The following TMCC1 variants were observed in gnomAD, a reference collection of about 807,000 sequenced individuals.
TMCC1 encodes the protein transmembrane and coiled-coil domains protein 1.
A neutral mutation model predicts 52.4 loss-of-function variants in TMCC1; 15 were observed. The ratio of observed to expected loss-of-function variants is 0.29; its 90% CI spans 0.19 to 0.44. TMCC1 has a LOEUF of 0.44. TMCC1 is among the 20% of genes least tolerant of loss of function. The pLI is 1.00. For missense variants in TMCC1, 503 were observed against 806.0 expected, an observed-to-expected ratio of 0.62 and a Z score of 4.55; for synonymous variants, 279 against 301.9, an observed-to-expected ratio of 0.92 and a Z score of 0.79.
intron 4 of TMCC1, among the ~76,000 whole-genome samples, chr3:129,736,141 G>T (rs1162297108): frequency 6.6e-6 from 1 of 152,184 alleles, no homozygotes; most frequent in Non-Finnish European, 1.5e-5. Context: ...CCAAAAATCT[G>T]CTGGGTCACC....
At chr3:129,830,650 G>T (rs1325419956) in intron 3 of TMCC1, among the ~76,000 whole-genome samples, 1 of 152,080 alleles carries the variant, frequency 6.6e-6, no homozygotes, top group Non-Finnish European at 1.5e-5. Flanking sequence ...ACTGATTTTT[G>T]TTGTTGTTGT....
chr3:129,656,006 A>C (rs2108848817), intron 5 of TMCC1, among the ~76,000 whole-genome samples: 1 of 152,354 alleles, frequency 6.6e-6, no homozygotes, highest in East Asian at 1.9e-4. Context: ...TGTTGGAGGA[A>C]AAAATGGGAA....
chr3:129,723,080 A>G (rs564359623), intron 4 of TMCC1, among the ~76,000 whole-genome samples: 1 of 152,212 alleles, frequency 6.6e-6, no homozygotes, highest in African/African-American at 2.4e-5. Context: ...CATTTATAAG[A>G]TCAACTAAAA....
At chr3:129,800,087 G>A (rs1014624385) in intron 4 of TMCC1, among the ~76,000 whole-genome samples, 2 of 152,094 alleles carry the variant, frequency 1.3e-5, no homozygotes, top group South Asian at 2.1e-4. Context: ...AACTTTGCTT[G>A]TTCTTGTATT....
At chr3:129,852,699 T>TA (rs1560550560) in intron 2 of TMCC1, among the ~76,000 whole-genome samples, 1 of 152,202 alleles carries the variant, frequency 6.6e-6, no homozygotes. Context: ...AATTTTCTGT[T>TA]ACGTGTTACC....
rs114594370 is a variant in TMCC1, at chr3:129,777,676, T to G, written c.576+50127A>C. ...AACTAGACAGATTAGAAGTACAGTA[T>G]CACAGCCCAATTAGTTCTCTTTTGT... On this transcript the variant is annotated intron_variant, in intron 4 of 6. Transcript: ENST00000393238. 6.8e-3 allele frequency among the ~76,000 whole-genome samples: 1,039 copies of G among 152,312 alleles called. 11 individuals carry two copies. Among genetic ancestry groups the G allele is most frequent in the African/African-American group, 0.024 (992 of 41,570 alleles).
intron 4 of TMCC1, among the ~76,000 whole-genome samples, chr3:129,767,209 C>T (rs989793695): frequency 2.0e-5 from 3 of 149,376 alleles, no homozygotes; most frequent in East Asian, 2.0e-4. Context: ...TGCACTGAGC[C>T]GAGATGGTGC....
intron 4 of TMCC1, among the ~76,000 whole-genome samples, chr3:129,798,763 A>C (rs901135318): frequency 1.3e-5 from 2 of 152,226 alleles, no homozygotes; most frequent in African/African-American, 4.8e-5. Context: ...TAGCTCATTA[A>C]CAAATAACAA....
intron 4 of TMCC1, among the ~76,000 whole-genome samples, chr3:129,747,058 A>AT: frequency 6.6e-6 from 1 of 152,356 alleles, no homozygotes; most frequent in South Asian, 2.1e-4. Context: ...TAGGCATTAA[A>AT]AGGTATTCAA....
At chr3:129,716,586 T>G (rs926937749) in intron 4 of TMCC1, among the ~76,000 whole-genome samples, 5 of 150,038 alleles carry the variant, frequency 3.3e-5, no homozygotes, top group African/African-American at 1.2e-4. Flanking sequence ...CTACCTCAGG[T>G]GATCTGCCCG....
chr3:129,729,165 C>T (rs746644270), intron 4 of TMCC1, among the ~76,000 whole-genome samples: 14 of 151,850 alleles, frequency 9.2e-5, no homozygotes, highest in Admixed American at 3.9e-4. Context: ...AGTAGTTTTG[C>T]CATTTTCCTT....
At chr3:129,785,578 C>T (rs1560415060) in intron 4 of TMCC1, among the ~76,000 whole-genome samples, 1 of 145,926 alleles carries the variant, frequency 6.9e-6, no homozygotes, top group Non-Finnish European at 1.5e-5. Context: ...CACACACACA[C>T]ACACACAAAC....
At chr3:129,863,729 G>A (rs2107939057) in intron 2 of TMCC1, among the ~76,000 whole-genome samples, 1 of 152,258 alleles carries the variant, frequency 6.6e-6, no homozygotes, top group South Asian at 2.1e-4. Flanking sequence ...AGGCGTGGTG[G>A]CGCGCACCTG....
chr3:129,693,907 T>C (rs558123044), intron 4 of TMCC1, among the ~76,000 whole-genome samples: 1 of 152,348 alleles, frequency 6.6e-6, no homozygotes, highest in Non-Finnish European at 1.5e-5. Context: ...AATTGGATTT[T>C]GTAACTGTAT....
intron 1 of TMCC1, among the ~76,000 whole-genome samples, chr3:129,892,242 G>C (rs1290860081): frequency 6.6e-6 from 1 of 152,156 alleles, no homozygotes; most frequent in Admixed American, 6.5e-5. Flanking sequence ...GAAATTAAAA[G>C]GTTACCACCC....
At chr3:129,804,129 AC>A (rs2057336012) in intron 4 of TMCC1, among the ~76,000 whole-genome samples, 1 of 152,224 alleles carries the variant, frequency 6.6e-6, no homozygotes. Flanking sequence ...CCCAAAGACC[AC>A]ATGAATGGTT....
intron 4 of TMCC1, among the ~76,000 whole-genome samples, chr3:129,676,200 T>G (rs1051900366): frequency 1.3e-5 from 2 of 152,116 alleles, no homozygotes; most frequent in East Asian, 3.8e-4. Flanking sequence ...CTGAGGGGCT[T>G]TTGTACTCTC....
At chr3:129,811,127 C>G (rs2057783235) in intron 4 of TMCC1, among the ~76,000 whole-genome samples, 1 of 152,114 alleles carries the variant, frequency 6.6e-6, no homozygotes, top group Non-Finnish European at 1.5e-5. Flanking sequence ...AAGCGTATTC[C>G]TCAGAGCATC....
intron 2 of TMCC1, among the ~76,000 whole-genome samples, chr3:129,871,151 G>A (rs2060910376): frequency 6.6e-6 from 1 of 152,100 alleles, no homozygotes; most frequent in Non-Finnish European, 1.5e-5. Flanking sequence ...CTGAGGTCAG[G>A]AGTTCGAGAC....
Sources: gnomAD v4.1 joint callset for allele counts (sites outside exome capture counted in the v4.1 genomes callset) on GRCh38, gnomAD v4.1.1 for gene constraint, MANE v1.5 for transcripts, NCBI Gene and HGNC (gene_info 2026-07-23, HGNC 2026-07-21) for gene names.